Variants in TCTN3 observed in about 807,000 individuals in gnomAD.
TCTN3 encodes the protein tectonic-3.
TCTN3 carries 57 observed loss-of-function variants against 71.3 expected under a neutral mutation model. The observed-to-expected ratio is 0.80, with a 90% CI of 0.65 to 1.00. The LOEUF is 1.00. TCTN3 is among the 50% of genes least tolerant of loss of function. The pLI, the probability that TCTN3 is intolerant of heterozygous loss-of-function variation, is 0.00. For missense variants in TCTN3, 696 were observed against 719.9 expected, an observed-to-expected ratio of 0.97 and a Z score of 0.38; for synonymous variants, 258 against 267.8, an observed-to-expected ratio of 0.96 and a Z score of 0.36.
intron 13 of TCTN3, among the ~76,000 whole-genome samples, chr10:95,667,847 T>C (rs1350929888): frequency 6.6e-6 from 1 of 152,224 alleles, no homozygotes; most frequent in African/African-American, 2.4e-5. Context: ...AGTCAGTCAG[T>C]GTCACCCACA....
intron 13 of TCTN3, among the ~76,000 whole-genome samples, chr10:95,677,970 A>AG (rs1042021413): frequency 1.4e-4 from 21 of 152,228 alleles, no homozygotes; most frequent in African/African-American, 4.8e-4. Context: ...AAACAAAACA[A>AG]GCCTATAGAC....
At position 95,680,684 on chromosome 10, in the gene TCTN3, T is replaced by C. The variant is rs138481579; in HGVS notation, c.1453-75A>G. On this transcript the variant is annotated intron_variant, in intron 12 of 13. Coordinates refer to ENST00000371217, the MANE Select transcript of TCTN3 (RefSeq NM_015631.6). ...TAGTCAATCACCAAGTACTAAGCCATTGTTTCTTAAGCATTATTCAGTAAT... is the reference window on the plus strand; with the variant it reads ...TAGTCAATCACCAAGTACTAAGCCACTGTTTCTTAAGCATTATTCAGTAAT... 1.5e-4 allele frequency: 233 copies of C among 1,538,442 alleles called. No individual in the cohort carries two copies. In the East Asian group the frequency reaches 3.9e-3, roughly 26 times the overall value.
At chr10:95,679,583 C>CTTTTT in intron 13 of TCTN3, among the ~76,000 whole-genome samples, 1 of 96,448 alleles carries the variant, frequency 1.0e-5, no homozygotes, top group Middle Eastern at 5.1e-3. Context: ...CTAGTCATTT[C>CTTTTT]TTTTTTTTTT....
intron 13 of TCTN3, among the ~76,000 whole-genome samples, chr10:95,679,601 T>C: frequency 8.0e-6 from 1 of 125,334 alleles, no homozygotes; most frequent in Non-Finnish European, 1.7e-5. Flanking sequence ...TTTTTTTTTT[T>C]TTTTTTTTGA....
chr10:95,686,918 G>T, intron 6 of TCTN3, 126 bp downstream of exon 6: 1 of 769,848 alleles, frequency 1.3e-6, no homozygotes, highest in Non-Finnish European at 2.1e-6. Context: ...CAGGCCCTCT[G>T]TCTTTTACGT....
chr10:95,675,007 A>T (rs771309297), intron 13 of TCTN3, among the ~76,000 whole-genome samples: 32 of 152,342 alleles, frequency 2.1e-4, no homozygotes, highest in Middle Eastern at 3.4e-3. Flanking sequence ...AAGTTATCCA[A>T]ATTTTCAAAG....
chr10:95,684,366 G>T, intron 9 of TCTN3, 133 bp downstream of exon 9: 1 of 1,076,034 alleles, frequency 9.3e-7, no homozygotes. Flanking sequence ...ATTAAATGTT[G>T]AGGCCTCAAT....
intron 9 of TCTN3, 122 bp downstream of exon 9, chr10:95,684,377 C>T (rs185279017): frequency 1.4e-5 from 18 of 1,272,246 alleles, no homozygotes; most frequent in Middle Eastern, 2.3e-4. Context: ...AGGCCTCAAT[C>T]GACAGACTGA....
intron 7 of TCTN3, among the ~76,000 whole-genome samples, chr10:95,686,044 T>C (rs1366884922): frequency 2.6e-5 from 4 of 152,134 alleles, no homozygotes; most frequent in South Asian, 2.1e-4. Context: ...CTGGACAACA[T>C]AGCAAGATCC....
intron 12 of TCTN3, 122 bp from the exon 13 acceptor site, chr10:95,680,731 T>C (rs949010350): frequency 1.2e-5 from 14 of 1,162,690 alleles, no homozygotes; most frequent in Admixed American, 3.0e-5. Context: ...TGTAGCTTAG[T>C]GGAAGAACAC....
rs2097942068 is a variant in TCTN3, at chr10:95,680,609, C to A, written c.1453G>T (p.Ala485Ser). The A allele has an allele frequency of 6.2e-7, 1 of 1,613,000 alleles. No individual in the cohort carries two copies. The highest frequency in any genetic ancestry group is 1.7e-5 in the Admixed American group (1 of 59,804). ...AGACAGCAGGAAGTACAGTTTATAG[C>A]CTGCAGAAGGGTAAAGAAGCATCTG... ...RILNRHCSIS[A>S]INCTSCCLIP... Residue 485 changes from alanine to serine, a missense_variant and splice_region_variant, in exon 13 of 14, where the codon GCT becomes TCT. Transcript: ENST00000371217.
intron 3 of TCTN3, among the ~76,000 whole-genome samples, chr10:95,691,319 A>C (rs982581840): frequency 8.6e-5 from 13 of 151,946 alleles, no homozygotes; most frequent in Non-Finnish European, 1.3e-4. Context: ...TGCCTGGATA[A>C]TTTTTTGTTT....
chr10:95,677,531 T>C (rs888684781), intron 13 of TCTN3, among the ~76,000 whole-genome samples: 12 of 150,808 alleles, frequency 8.0e-5, no homozygotes, highest in Admixed American at 6.7e-5. Context: ...TTATTGTTTG[T>C]CCTTGGGAAT....
At chr10:95,686,023 T>G (rs2097947939) in intron 7 of TCTN3, among the ~76,000 whole-genome samples, 1 of 152,176 alleles carries the variant, frequency 6.6e-6, no homozygotes. Flanking sequence ...GGTCAGGAGT[T>G]CAAGACCAGC....
chr10:95,692,334 C>T (rs1193958700), intron 3 of TCTN3, among the ~76,000 whole-genome samples: 2 of 151,936 alleles, frequency 1.3e-5, no homozygotes, highest in African/African-American at 2.4e-5. Context: ...TGCAAAACCC[C>T]GTCTCTACTA....
intron 13 of TCTN3, 70 bp from the exon 14 acceptor site, chr10:95,664,370 A>G (rs1000455106): frequency 5.5e-6 from 7 of 1,274,108 alleles, no homozygotes; most frequent in Middle Eastern, 1.9e-4. Flanking sequence ...CTTGGCTGTT[A>G]TTATTACTTT....
At position 95,687,044 on chromosome 10, in the gene TCTN3, CTT is replaced by C. The variant is rs1202783767; in HGVS notation, c.850_851del (p.Lys284GlyfsTer7). ...GTGTAGGGAGAGAAAGGACACCTAC[CTT>C]TAAGACTGTGAAGTTATAGTAAGAG... The part of the protein sequence containing the change: ...AASYYNFTVL[K>X]VPRSMTDPQN... On this transcript the variant is annotated frameshift_variant and splice_region_variant, in exon 6 of 14. Coordinates refer to ENST00000371217, the MANE Select transcript of TCTN3 (RefSeq NM_015631.6). LOFTEE classifies it high-confidence loss of function. 1.2e-6 allele frequency: 2 copies of C among 1,611,928 alleles called. No individual in the cohort carries two copies. Among genetic ancestry groups the C allele is most frequent in the Admixed American group, 3.3e-5 (2 of 59,992 alleles).
Position 95,664,072 on chromosome 10 carries a change from T to A in TCTN3, c.1819A>T (p.Met607Leu). The change falls in exon 14 of 14, where the codon ATG (methionine) becomes TTG (leucine). Residue 607 changes from methionine to leucine, a missense_variant. Met to Leu is a conservative substitution (Grantham distance 15). Transcript: ENST00000371217. ...LLLGVLNLET[M>L] ...ATCTGATTATTTTCTTTTCTTCACA[T>A]AGTCTCTAGGTTGAGAACTCCAAGT... 6.2e-7 allele frequency: 1 copy of A among 1,613,574 alleles called. No individual in the cohort carries two copies. Among genetic ancestry groups the A allele is most frequent in the Non-Finnish European group, 8.5e-7 (1 of 1,179,548 alleles).
At position 95,687,633 on chromosome 10, in the gene TCTN3, T is replaced by G; in HGVS notation, c.586A>C (p.Thr196Pro). The change falls in exon 4 of 14, where the codon ACT becomes CCT. Residue 196 changes from threonine to proline, a missense_variant. Physicochemically the swap from Thr to Pro is conservative, Grantham distance 38. Transcript: ENST00000371217. ...LAAEFGGESFTSTFQTQSPPS... is the reference protein window; with the variant it reads ...LAAEFGGESFPSTFQTQSPPS... ...GGTGATTGAGTTTGGAATGTTGAAG[T>G]GAATGATTCGCCTCCAAACTCTGCA... The G allele has an allele frequency of 6.2e-7, 1 of 1,614,222 alleles. No homozygotes were observed. Among genetic ancestry groups the G allele is most frequent in the Non-Finnish European group, 8.5e-7 (1 of 1,180,018 alleles).
Sources: gnomAD v4.1 joint callset for allele counts (sites outside exome capture counted in the v4.1 genomes callset) on GRCh38, gnomAD v4.1.1 for gene constraint, MANE v1.5 for transcripts, NCBI Gene and HGNC (gene_info 2026-07-23, HGNC 2026-07-21) for gene names.